Variants in PTPRK observed in about 807,000 individuals in gnomAD.
The protein encoded by PTPRK is receptor-type tyrosine-protein phosphatase kappa.
A neutral mutation model predicts 178.0 loss-of-function variants in PTPRK; 75 were observed. The ratio of observed to expected loss-of-function variants is 0.42; its 90% CI spans 0.35 to 0.51. PTPRK has a LOEUF of 0.51. Among genes scored for constraint, PTPRK ranks in the 20% least tolerant of loss-of-function variants. The pLI is 0.02. For missense variants in PTPRK, 1,441 were observed against 1,797.8 expected, an observed-to-expected ratio of 0.80 and a Z score of 3.59; for synonymous variants, 637 against 620.6, an observed-to-expected ratio of 1.03 and a Z score of -0.39.
intron 17 of PTPRK, among the ~76,000 whole-genome samples, chr6:127,996,494 CAG>C (rs1777165675): frequency 1.3e-5 from 2 of 152,092 alleles, no homozygotes; most frequent in African/African-American, 4.8e-5. Flanking sequence ...TTTTTTGAGA[CAG>C]AGTCTCGCTT....
chr6:127,991,196 T>C, intron 20 of PTPRK, 98 bp downstream of exon 20: 1 of 932,466 alleles, frequency 1.1e-6, no homozygotes, highest in Non-Finnish European at 1.6e-6. Context: ...TATAATTTTT[T>C]TTAAACAATT....
chr6:128,224,794 T>G (rs1005919337), intron 5 of PTPRK, among the ~76,000 whole-genome samples: 4 of 152,204 alleles, frequency 2.6e-5, no homozygotes, highest in Admixed American at 2.6e-4. Context: ...CCTTTGCTTT[T>G]TCTTACTGTC....
chr6:128,067,502 T>C lies in PTPRK; in HGVS notation c.2157+17A>G, dbSNP rs771566256. The C allele has an allele frequency of 6.8e-7, 1 of 1,468,036 alleles. No individual in the cohort carries two copies. Among genetic ancestry groups the C allele is most frequent in the South Asian group, 1.5e-5 (1 of 64,892 alleles). 90.9% of individuals were successfully genotyped at this position (1,468,036 alleles called of 1,614,324 possible). A position where few individuals can be genotyped will look rare whatever the true frequency, so the allele number is the denominator to read the frequency against. ...TTCTTCAAAGCAGGGAAAAAGCAAA[T>C]CCTGGAGGAAGCTCACCTTCTCCAC... On this transcript the variant is annotated intron_variant, in intron 12 of 29. Transcript: ENST00000368226.
At chr6:127,977,163 T>G in intron 25 of PTPRK, 109 bp from the exon 26 acceptor site, 1 of 1,103,126 alleles carries the variant, frequency 9.1e-7, no homozygotes. Flanking sequence ...TGCAATAGCT[T>G]CATATGCAGA....
intron 13 of PTPRK, among the ~76,000 whole-genome samples, chr6:128,028,370 G>A (rs1447592155): frequency 2.6e-5 from 4 of 152,192 alleles, no homozygotes; most frequent in Non-Finnish European, 5.9e-5. Flanking sequence ...GGAAGAGAAA[G>A]TGCTTTAGCA....
intron 7 of PTPRK, among the ~76,000 whole-genome samples, chr6:128,112,390 AAG>A (rs960590888): frequency 6.6e-6 from 1 of 152,104 alleles, no homozygotes; most frequent in African/African-American, 2.4e-5. Context: ...AGACATTAAA[AAG>A]AAAAATAAGG....
At chr6:128,413,638 T>C (rs929172722) in intron 1 of PTPRK, among the ~76,000 whole-genome samples, 1 of 152,122 alleles carries the variant, frequency 6.6e-6, no homozygotes, top group Non-Finnish European at 1.5e-5. Context: ...AGAAATTAGA[T>C]CTTTCCAAAG....
chr6:128,386,982 C>T (rs181649356), intron 2 of PTPRK, among the ~76,000 whole-genome samples: 1 of 152,100 alleles, frequency 6.6e-6, no homozygotes, highest in African/African-American at 2.4e-5. Flanking sequence ...GCAGGAGAAT[C>T]GGTTGAACCC....
intron 2 of PTPRK, among the ~76,000 whole-genome samples, chr6:128,342,998 T>C (rs1831883783): frequency 6.6e-6 from 1 of 151,936 alleles, no homozygotes; most frequent in Admixed American, 6.6e-5. Context: ...TTGGGTGGGG[T>C]GGGTAGAGAC....
intron 6 of PTPRK, among the ~76,000 whole-genome samples, chr6:128,206,406 TAAAA>T (rs60030807): frequency 8.3e-6 from 1 of 120,602 alleles, no homozygotes; most frequent in Non-Finnish European, 1.8e-5. Flanking sequence ...GGGTGTTCAT[TAAAA>T]AAAAAAAAAA....
At chr6:128,503,028 C>T (rs1855781655) in intron 1 of PTPRK, among the ~76,000 whole-genome samples, 1 of 152,132 alleles carries the variant, frequency 6.6e-6, no homozygotes, top group African/African-American at 2.4e-5. Context: ...GAGTTCGAGA[C>T]CAGCCTGGCC....
intron 11 of PTPRK, among the ~76,000 whole-genome samples, chr6:128,077,388 T>C (rs989964554): frequency 6.6e-5 from 10 of 152,020 alleles, no homozygotes; most frequent in African/African-American, 2.4e-4. Flanking sequence ...CCAACTCTTT[T>C]TCTCTGGTAT....
At chr6:128,043,559 A>T (rs1349892358) in intron 13 of PTPRK, among the ~76,000 whole-genome samples, 1 of 151,518 alleles carries the variant, frequency 6.6e-6, no homozygotes, top group Non-Finnish European at 1.5e-5. Flanking sequence ...AATCAGTGAA[A>T]AGAAGTGTTC....
intron 1 of PTPRK, among the ~76,000 whole-genome samples, chr6:128,499,797 C>T (rs909643052): frequency 6.6e-6 from 1 of 152,152 alleles, no homozygotes; most frequent in African/African-American, 2.4e-5. Context: ...TCTTCCTCTA[C>T]AAAATGTATG....
chr6:128,389,343 C>A (rs1442298455), intron 2 of PTPRK, among the ~76,000 whole-genome samples: 1 of 150,688 alleles, frequency 6.6e-6, no homozygotes, highest in Non-Finnish European at 1.5e-5. Context: ...TAATTAATAT[C>A]ATATATATTT....
At chr6:128,238,512 C>T (rs999524890) in intron 5 of PTPRK, among the ~76,000 whole-genome samples, 6 of 152,252 alleles carry the variant, frequency 3.9e-5, no homozygotes, top group South Asian at 2.1e-4. Context: ...GGCAGACCTA[C>T]AGAGCCTCTA....
chr6:128,282,554 C>T (rs1821837825), intron 3 of PTPRK, among the ~76,000 whole-genome samples: 1 of 152,176 alleles, frequency 6.6e-6, no homozygotes, highest in South Asian at 2.1e-4. Flanking sequence ...GTTGATAAAA[C>T]CTGCTTCACA....
chr6:128,127,266 C>T (rs1304862642), intron 7 of PTPRK, among the ~76,000 whole-genome samples: 2 of 152,074 alleles, frequency 1.3e-5, no homozygotes, highest in Non-Finnish European at 2.9e-5. Context: ...ACTATGTTTG[C>T]TATTATAGGT....
chr6:128,078,953 T>C, intron 10 of PTPRK, 35 bp from the exon 11 acceptor site: 3 of 1,395,292 alleles, frequency 2.2e-6, no homozygotes, highest in Non-Finnish European at 3.1e-6. Flanking sequence ...AAAGGTTCAA[T>C]TAATTTACAG....
Sources: allele counts gnomAD v4.1 joint callset (sites outside exome capture counted in the v4.1 genomes callset), GRCh38; gene constraint gnomAD v4.1.1; transcripts MANE v1.5; gene names NCBI Gene and HGNC (gene_info 2026-07-23, HGNC 2026-07-21).